The following CERK variants were observed in gnomAD, a reference collection of about 807,000 sequenced individuals.
CERK encodes the protein ceramide kinase, also known as acylsphingosine kinase.
Under a neutral mutation model 63.4 loss-of-function variants are expected in CERK, and 39 were observed. That is an observed-to-expected ratio of 0.61 (90% CI 0.48 to 0.80). The LOEUF (loss-of-function observed/expected upper bound fraction) is 0.80. Among genes scored for constraint, CERK ranks in the 30% least tolerant of loss-of-function variants. CERK has a pLI of 0.00. For missense variants in CERK, 670 were observed against 714.1 expected (o/e 0.94, Z 0.70); for synonymous variants, 302 against 280.0 (o/e 1.08, Z -0.78).
At chr22:46,695,107 C>T in intron 9 of CERK, 103 bp downstream of exon 9, 1 of 679,500 alleles carries the variant, frequency 1.5e-6, no homozygotes, top group Non-Finnish European at 2.6e-6. Context: ...CTACATCCGG[C>T]ACCTTCCACC....
At chr22:46,726,754 G>C (rs1436739550) in intron 1 of CERK, among the ~76,000 whole-genome samples, 2 of 152,102 alleles carry the variant, frequency 1.3e-5, no homozygotes, top group African/African-American at 4.8e-5. Context: ...ACTCAGAGAT[G>C]GTCAAACTGT....
rs767972993 is a variant in CERK, at chr22:46,711,117, G to C, written c.538C>G (p.Leu180Val). 6.2e-7 allele frequency: 1 copy of C among 1,613,884 alleles called. No individual in the cohort carries two copies. Among genetic ancestry groups the C allele is most frequent in the South Asian group, 1.1e-5 (1 of 91,064 alleles). ...TATTTGTCTATGTTAATCTCATACAGAGTCTCCTTGGCCTGATTAGCATGT... is the reference window on the plus strand; with the variant it reads ...TATTTGTCTATGTTAATCTCATACACAGTCTCCTTGGCCTGATTAGCATGT... ...TEHANQAKET[L>V]YEINIDKYDG... Residue 180 changes from leucine (L) to valine (V), a missense_variant, in exon 5 of 13, where the codon CTG becomes GTG. Physicochemically the swap from Leu to Val is conservative, Grantham distance 32. Coordinates refer to ENST00000216264, the MANE Select transcript of CERK (RefSeq NM_022766.6).
chr22:46,710,261 C>T (rs1601719372), intron 5 of CERK, among the ~76,000 whole-genome samples: 1 of 152,094 alleles, frequency 6.6e-6, no homozygotes, highest in South Asian at 2.1e-4. Context: ...TGGCGAAATC[C>T]TGTCTCTACT....
chr22:46,721,702 G>C (rs749419057), intron 1 of CERK, among the ~76,000 whole-genome samples: 15 of 152,300 alleles, frequency 9.8e-5, no homozygotes, highest in South Asian at 2.1e-4. Context: ...AAGTGGGAGG[G>C]AGACACGTGA....
At chr22:46,701,955 C>T (rs950794684) in intron 6 of CERK, among the ~76,000 whole-genome samples, 3 of 152,040 alleles carry the variant, frequency 2.0e-5, no homozygotes, top group Admixed American at 6.6e-5. Context: ...CCGAGGTGGG[C>T]GGATGACTTG....
chr22:46,719,396 G>A (rs562729644), intron 3 of CERK, among the ~76,000 whole-genome samples: 1 of 152,254 alleles, frequency 6.6e-6, no homozygotes. Context: ...CCCTGGCTGG[G>A]CGTGGTGGCT....
intron 8 of CERK, among the ~76,000 whole-genome samples, chr22:46,697,182 A>G (rs2082760653): frequency 1.3e-5 from 2 of 152,256 alleles, no homozygotes; most frequent in Admixed American, 1.3e-4. Flanking sequence ...AGATTTTAGT[A>G]TCAGGAATTA....
intron 1 of CERK, among the ~76,000 whole-genome samples, chr22:46,722,897 G>T (rs2082899561): frequency 6.6e-6 from 1 of 152,218 alleles, no homozygotes; most frequent in African/African-American, 2.4e-5. Context: ...CAGGGTCAGG[G>T]TTCAGAGGAT....
At position 46,691,710 on chromosome 22, in the gene CERK, A is replaced by G; in HGVS notation, c.1194T>C (p.Cys398=). ...FLAINATNMS[C]ACRRSPRGLS... ...GGCCCCTGGGGCTCCGGCGACAAGC[A>G]CAGGACATGTTTGTGGCATTGATGG... Residue 398 remains cysteine (C), a synonymous_variant, in exon 11 of 13, where the codon TGT becomes TGC. Coordinates refer to ENST00000216264, the MANE Select transcript of CERK (RefSeq NM_022766.6). 6.2e-7 allele frequency: 1 copy of G among 1,614,074 alleles called. No homozygotes were observed. Among genetic ancestry groups the G allele is most frequent in the Non-Finnish European group, 8.5e-7 (1 of 1,180,020 alleles).
intron 3 of CERK, among the ~76,000 whole-genome samples, chr22:46,712,847 CTTT>C (rs11312593): frequency 1.0e-4 from 13 of 125,690 alleles, no homozygotes; most frequent in Non-Finnish European, 1.2e-4. Flanking sequence ...CTTTTCTTTT[CTTT>C]TTTTTTTTTT....
chr22:46,687,573 C>CCCACT (rs2082709023), intron 12 of CERK, among the ~76,000 whole-genome samples: 1 of 152,026 alleles, frequency 6.6e-6, no homozygotes, highest in Non-Finnish European at 1.5e-5. Flanking sequence ...CCAGTGTCTG[C>CCCACT]CCACTCCACC....
At position 46,724,545 on chromosome 22, in the gene CERK, C is replaced by T. The variant is rs569783067; in HGVS notation, c.143-3530G>A. Among the ~76,000 whole-genome samples the T allele has an allele frequency of 3.3e-5, 5 of 152,204 alleles. No homozygotes were observed. In the East Asian group the frequency reaches 9.7e-4, roughly 29 times the overall value. On this transcript the variant is annotated intron_variant, in intron 1 of 12. Coordinates refer to ENST00000216264, the MANE Select transcript of CERK (RefSeq NM_022766.6). ...GGTGGCAATGAGTGGCTGGACTTGG[C>T]GTGGCTTTGGCCTGTATCTGGCTGC...
intron 1 of CERK, among the ~76,000 whole-genome samples, chr22:46,723,844 C>A (rs1467361227): frequency 1.3e-5 from 2 of 151,952 alleles, no homozygotes; most frequent in Non-Finnish European, 2.9e-5. Context: ...ATTATAGGCG[C>A]CTGCCACCGC....
At chr22:46,736,421 C>A (rs1212761459) in intron 1 of CERK, among the ~76,000 whole-genome samples, 1 of 152,254 alleles carries the variant, frequency 6.6e-6, no homozygotes, top group Non-Finnish European at 1.5e-5. Flanking sequence ...CTTCCAGCCC[C>A]TGCAGATCGG....
At chr22:46,705,752 G>T (rs1210494430) in intron 6 of CERK, among the ~76,000 whole-genome samples, 1 of 152,138 alleles carries the variant, frequency 6.6e-6, no homozygotes, top group East Asian at 1.9e-4. Flanking sequence ...TGGGTGACTG[G>T]CCAGGCATGG....
chr22:46,726,526 C>T (rs2082919008), intron 1 of CERK, among the ~76,000 whole-genome samples: 1 of 152,182 alleles, frequency 6.6e-6, no homozygotes, highest in Non-Finnish European at 1.5e-5. Context: ...AGGAAGAACA[C>T]CCAAGAGATC....
At chr22:46,722,556 CTTTT>C (rs556829995) in intron 1 of CERK, among the ~76,000 whole-genome samples, 16 of 125,546 alleles carry the variant, frequency 1.3e-4, no homozygotes, top group African/African-American at 2.5e-4. Context: ...GGCCTCCCAT[CTTTT>C]TTTTTTTTTT....
rs757605254 is a variant in CERK, at chr22:46,695,256, G to A, written c.1003C>T (p.Gln335Ter). ...YEGTVSFLPA[Q>*]HTVGSPRDRK... ...TCCCTTGGAGATCCCACCGTGTGTT[G>A]TGCAGGGAGGAAGGACACTGTCCCT... Residue 335 changes from glutamine to a stop codon, truncating the protein, a stop_gained, in exon 9 of 13, where the codon CAA becomes TAA. Transcript: ENST00000216264. LOFTEE classifies it high-confidence loss of function. 3 of 1,612,368 alleles carry A rather than the reference G, an allele frequency of 1.9e-6. No individual in the cohort carries two copies. Among genetic ancestry groups the A allele is most frequent in the Non-Finnish European group, 8.5e-7 (1 of 1,178,420 alleles).
At chr22:46,723,848 C>A (rs1158135931) in intron 1 of CERK, among the ~76,000 whole-genome samples, 2 of 152,024 alleles carry the variant, frequency 1.3e-5, no homozygotes, top group African/African-American at 2.4e-5. Flanking sequence ...TAGGCGCCTG[C>A]CACCGCACCC....
Sources: gnomAD v4.1 joint callset for allele counts (sites outside exome capture counted in the v4.1 genomes callset) on GRCh38, gnomAD v4.1.1 for gene constraint, MANE v1.5 for transcripts, NCBI Gene and HGNC (gene_info 2026-07-23, HGNC 2026-07-21) for gene names.